The following LRBA variants were observed in gnomAD, a reference collection of about 807,000 sequenced individuals.
LRBA encodes the protein LPS responsive beige-like anchor protein.
A neutral mutation model predicts 330.0 loss-of-function variants in LRBA; 176 were observed. The ratio of observed to expected loss-of-function variants is 0.53; its 90% confidence interval spans 0.47 to 0.60. The LOEUF (loss-of-function observed/expected upper bound fraction) is 0.60, where lower values mean the gene tolerates loss of function less well. LRBA is among the 20% of genes least tolerant of loss of function. LRBA has a pLI of 0.00. For missense variants in LRBA, 3,259 were observed against 3,444.8 expected (o/e 0.95, Z 1.35); for synonymous variants, 1,230 against 1,193.0 (o/e 1.03, Z -0.64).
chr4:150,899,958 C>A, intron 14 of LRBA, 91 bp downstream of exon 14: 4 of 892,488 alleles, frequency 4.5e-6, no homozygotes, highest in Non-Finnish European at 6.4e-6. Flanking sequence ...AAAAACTGCC[C>A]AAATATATGA....
At chr4:150,625,325 C>A (rs1776743745) in intron 37 of LRBA, among the ~76,000 whole-genome samples, 2 of 152,278 alleles carry the variant, frequency 1.3e-5, no homozygotes, top group African/African-American at 2.4e-5. Flanking sequence ...TGGATGCCAA[C>A]TACTGCTTTT....
chr4:150,794,710 G>A lies in LRBA; in HGVS notation c.5580+3371C>T, dbSNP rs189335305. ...TGAAAAATTTTTTAAAGAATAATCA[G>A]CCTAAAATAGTATTTTAAATTAACT... is the stretch of plus-strand genomic sequence containing the variant. On this transcript the variant is annotated intron_variant, in intron 34 of 56. Transcript: ENST00000651943. Among the ~76,000 whole-genome samples the A allele has an allele frequency of 1.0e-3, 152 of 152,092 alleles. 3 individuals carry two copies. The highest frequency in any genetic ancestry group is 3.6e-3 in the African/African-American group (149 of 41,506).
chr4:150,374,730 C>G (rs1740974339), intron 47 of LRBA, among the ~76,000 whole-genome samples: 1 of 152,048 alleles, frequency 6.6e-6, no homozygotes, highest in African/African-American at 2.4e-5. Flanking sequence ...TAAAGGAAAT[C>G]CAAAACCTGA....
At chr4:150,739,612 G>A (rs1731673927) in intron 35 of LRBA, among the ~76,000 whole-genome samples, 1 of 152,038 alleles carries the variant, frequency 6.6e-6, no homozygotes. Context: ...AACAATGAAG[G>A]AATAACACTT....
chr4:150,621,980 A>C (rs1031889432), intron 37 of LRBA, among the ~76,000 whole-genome samples: 2 of 152,196 alleles, frequency 1.3e-5, no homozygotes, highest in Non-Finnish European at 2.9e-5. Context: ...TTGCCACCTA[A>C]AACTGTGGGA....
At chr4:151,003,108 A>T (rs2149656164) in intron 2 of LRBA, among the ~76,000 whole-genome samples, 1 of 150,068 alleles carries the variant, frequency 6.7e-6, no homozygotes, top group Non-Finnish European at 1.5e-5. Flanking sequence ...AGAAAAAAAC[A>T]ATCCTGGTCA....
chr4:150,870,106 A>G (rs1367341074), intron 20 of LRBA, among the ~76,000 whole-genome samples: 1 of 152,222 alleles, frequency 6.6e-6, no homozygotes, highest in Non-Finnish European at 1.5e-5. Context: ...ATCAAAAGAA[A>G]AGACTGTTTA....
chr4:150,825,294 T>C (rs1241885269), intron 30 of LRBA, among the ~76,000 whole-genome samples: 1 of 152,194 alleles, frequency 6.6e-6, no homozygotes, highest in Non-Finnish European at 1.5e-5. Context: ...ACAATTGCAT[T>C]GAGCATTGGT....
chr4:150,368,799 T>C (rs1296258069), intron 47 of LRBA, among the ~76,000 whole-genome samples: 1 of 152,354 alleles, frequency 6.6e-6, no homozygotes, highest in East Asian at 1.9e-4. Flanking sequence ...GCTTCTTCTG[T>C]ACACATCTAA....
At chr4:150,838,716 A>T (rs1403365508) in intron 28 of LRBA, among the ~76,000 whole-genome samples, 1 of 152,088 alleles carries the variant, frequency 6.6e-6, no homozygotes, top group Non-Finnish European at 1.5e-5. Context: ...AGGTTTTCAT[A>T]GCTTCTTTTG....
chr4:150,975,561 C>T (rs1034069955), intron 2 of LRBA, among the ~76,000 whole-genome samples: 1 of 143,880 alleles, frequency 7.0e-6, no homozygotes, highest in African/African-American at 2.5e-5. Flanking sequence ...AGAAAGAAAA[C>T]AAAAAAGAAA....
intron 33 of LRBA, among the ~76,000 whole-genome samples, chr4:150,805,585 G>GGAAAGGAAAGGAAAA (rs1742639041): frequency 8.5e-6 from 1 of 117,124 alleles, no homozygotes; most frequent in African/African-American, 3.7e-5. Flanking sequence ...GGAAAGGAAA[G>GGAAAGGAAAGGAAAA]GAAAGGAAAG....
At chr4:150,425,065 C>T (rs562029429) in intron 46 of LRBA, among the ~76,000 whole-genome samples, 1 of 152,258 alleles carries the variant, frequency 6.6e-6, no homozygotes, top group South Asian at 2.1e-4. Context: ...AGTAGAATTC[C>T]ATTTTAATAC....
At chr4:150,896,507 A>G in intron 15 of LRBA, 51 bp from the exon 16 acceptor site, 1 of 953,036 alleles carries the variant, frequency 1.0e-6, no homozygotes, top group Non-Finnish European at 1.6e-6. Context: ...AAAAATGTTT[A>G]AAGAGAAATT....
chr4:150,895,021 C>A (rs1227244050), intron 16 of LRBA, among the ~76,000 whole-genome samples: 1 of 151,940 alleles, frequency 6.6e-6, no homozygotes, highest in Admixed American at 6.6e-5. Context: ...CAATCATTAT[C>A]CCTCATTTAA....
At chr4:150,781,959 T>C (rs1001510138) in intron 34 of LRBA, among the ~76,000 whole-genome samples, 7 of 152,146 alleles carry the variant, frequency 4.6e-5, no homozygotes, top group African/African-American at 1.2e-4. Context: ...CTCACTGAAA[T>C]GCAGCGGTGC....
chr4:150,371,393 A>G (rs1163746224), intron 47 of LRBA, among the ~76,000 whole-genome samples: 1 of 151,916 alleles, frequency 6.6e-6, no homozygotes, highest in Non-Finnish European at 1.5e-5. Flanking sequence ...GGGTTTCACC[A>G]TGTTGGCCAG....
At chr4:150,582,753 CA>C (rs1377362632) in intron 40 of LRBA, 4 of 381,776 alleles carry the variant, frequency 1.0e-5, no homozygotes, top group Non-Finnish European at 1.9e-5. Flanking sequence ...CAAGAGAAAG[CA>C]AAAAGGTTCC....
At chr4:150,311,041 C>T (rs1730992750) in intron 51 of LRBA, 1 of 152,166 alleles carries the variant, frequency 6.6e-6, no homozygotes, top group African/African-American at 2.4e-5. Flanking sequence ...ACAAGACAGC[C>T]TTGGCAGTGT....
Sources: allele counts gnomAD v4.1 joint callset (sites outside exome capture counted in the v4.1 genomes callset), GRCh38; gene constraint gnomAD v4.1.1; transcripts MANE v1.5; gene names NCBI Gene and HGNC (gene_info 2026-07-23, HGNC 2026-07-21).